Variants in PLEKHO1 observed in about 807,000 individuals in gnomAD.
The protein encoded by PLEKHO1 is pleckstrin homology domain-containing family O member 1.
PLEKHO1 carries 22 observed loss-of-function variants against 41.4 expected under a neutral mutation model. That is an observed-to-expected ratio of 0.53 (90% CI 0.38 to 0.76). The LOEUF (loss-of-function observed/expected upper bound fraction) is 0.76. PLEKHO1 is among the 30% of genes least tolerant of loss of function. The pLI is 0.00. For missense variants in PLEKHO1, 488 were observed against 518.3 expected, an observed-to-expected ratio of 0.94 and a Z score of 0.57; for synonymous variants, 225 against 210.8, an observed-to-expected ratio of 1.07 and a Z score of -0.58.
At position 150,159,694 on chromosome 1, in the gene PLEKHO1, G is replaced by T. The variant is rs917184069; in HGVS notation, c.*171G>T. 1.9e-4 allele frequency: 106 copies of T among 546,790 alleles called. No individual in the cohort carries two copies. Among genetic ancestry groups the T allele is most frequent in the Non-Finnish European group, 2.9e-4 (87 of 304,782 alleles). 33.9% of individuals were successfully genotyped at this position (546,790 alleles called of 1,614,324 possible). On this transcript the variant is annotated 3_prime_UTR_variant, in exon 6 of 6. Transcript: ENST00000369124. ...TTATTGCCCCACCTACTTTCCATAT[G>T]CCCCTCGTATGCCCCTCAGGTTTGA...
chr1:150,159,462 C>T lies in PLEKHO1; in HGVS notation c.1169C>T (p.Thr390Ile), dbSNP rs1325160759. The change falls in exon 6 of 6, where the codon ACC becomes ATC. Residue 390 changes from threonine to isoleucine, a missense_variant. Transcript: ENST00000369124. ...CTGTACAGACAGATGGACCTGCAGA[C>T]CCCGGACTCCCACCTCAGACAGACC... ...RDLYRQMDLQ[T>I]PDSHLRQTTP... The T allele has an allele frequency of 1.2e-6, 2 of 1,613,822 alleles. No homozygotes were observed. Among genetic ancestry groups the T allele is most frequent in the African/African-American group, 1.3e-5 (1 of 74,882 alleles).
intron 1 of PLEKHO1, 83 bp from the exon 2 acceptor site, chr1:150,150,829 C>T: frequency 7.4e-7 from 1 of 1,346,298 alleles, no homozygotes; most frequent in South Asian, 1.3e-5. Flanking sequence ...ACTGGGCCGC[C>T]GAGGCGGTCG....
intron 5 of PLEKHO1, among the ~76,000 whole-genome samples, chr1:150,158,305 TAAC>T (rs1302073730): frequency 6.6e-6 from 1 of 151,820 alleles, no homozygotes; most frequent in African/African-American, 2.4e-5. Context: ...AGGAAACAAG[TAAC>T]AAACTAAATC....
At chr1:150,155,243 C>G (rs201245749) in intron 2 of PLEKHO1, 1 of 152,190 alleles carries the variant, frequency 6.6e-6, no homozygotes, top group East Asian at 1.9e-4. Flanking sequence ...GGCCCAGGCA[C>G]TCAAACTGGA....
chr1:150,152,909 T>A (rs1230111191), intron 2 of PLEKHO1: 6 of 152,098 alleles, frequency 3.9e-5, no homozygotes, highest in African/African-American at 1.4e-4. Context: ...TGATCCTTGC[T>A]TTTAGGTACA....
chr1:150,152,009 A>C (rs1461244950), intron 2 of PLEKHO1, among the ~76,000 whole-genome samples: 2 of 152,126 alleles, frequency 1.3e-5, no homozygotes, highest in African/African-American at 4.8e-5. Context: ...TCCCGCCCTC[A>C]CGGGAGGTAT....
chr1:150,151,072 G>T lies in PLEKHO1; in HGVS notation c.177+14G>T. ...TCTGAGAAGGAGGTGGGTGCCTCTT[G>T]CCTCTAACTCTCCGTTTTCTCATAG... is the stretch of plus-strand genomic sequence containing the variant. On this transcript the variant is annotated intron_variant, in intron 2 of 5. Transcript: ENST00000369124. The T allele has an allele frequency of 6.2e-6, 10 of 1,613,656 alleles. No homozygotes were observed. The highest frequency in any genetic ancestry group is 7.6e-6 in the Non-Finnish European group (9 of 1,179,676).
In PLEKHO1 at chr1:150,156,199, G is replaced by GT; in HGVS notation, c.312dup (p.Asn105Ter). 1 of 1,613,344 alleles carries GT rather than the reference G, an allele frequency of 6.2e-7. No homozygotes were observed. Among genetic ancestry groups the GT allele is most frequent in the Non-Finnish European group, 8.5e-7 (1 of 1,179,622 alleles). On this transcript the variant is annotated frameshift_variant, in exon 3 of 6. Transcript: ENST00000369124. LOFTEE classifies it high-confidence loss of function. ...ACTCTTGCCCACTCCAAACAGCCCG[G>GT]TAACACGGTATGTTTCTCCTGCCAC...
chr1:150,158,734 G>T, intron 5 of PLEKHO1, 85 bp from the exon 6 acceptor site: 1 of 912,566 alleles, frequency 1.1e-6, no homozygotes, highest in South Asian at 1.6e-5. Context: ...AGAGGAAAAT[G>T]ACCACAGCTT....
Position 150,150,033 on chromosome 1 carries a change from G to C in PLEKHO1, c.-225G>C, listed in dbSNP as rs1659807357. 6.4e-6 allele frequency: 1 copy of C among 156,084 alleles called. No individual in the cohort carries two copies. Among genetic ancestry groups the C allele is most frequent in the African/African-American group, 2.4e-5 (1 of 41,200 alleles). 9.7% of individuals were successfully genotyped at this position (156,084 alleles called of 1,614,324 possible). On this transcript the variant is annotated 5_prime_UTR_variant, in exon 1 of 6. Transcript: ENST00000369124. ...TGGAGGGCGCCAAGGGGCGGGGAGCGGGCGTGCGTGTGTGTGCGAGTGCGA... is the reference window on the plus strand; with the variant it reads ...TGGAGGGCGCCAAGGGGCGGGGAGCCGGCGTGCGTGTGTGTGCGAGTGCGA...
In PLEKHO1 at chr1:150,150,235, CCCCGCG is replaced by C. The variant is rs587643363; in HGVS notation, c.-11_-6del. The C allele has an allele frequency of 5.3e-5, 56 of 1,063,462 alleles. No homozygotes were observed. The African/African-American group carries it at 6.5e-4, about 12-fold the overall frequency. 65.9% of individuals were successfully genotyped at this position (1,063,462 alleles called of 1,614,324 possible). On this transcript the variant is annotated 5_prime_UTR_variant, in exon 1 of 6. Transcript: ENST00000369124. ...CGCGGGGCCGCCCCTCGGCTCGCCG[CCCCGCG>C]CCCGCGCCCGCTGGGAATGATGAAG...
chr1:150,150,122 G>C lies in PLEKHO1; in HGVS notation c.-136G>C, dbSNP rs1263116112. ...AAAGAAGGGGAGAGTCCGGGAGCGG[G>C]AGGGCGCGAGGGAGGAGCGGCGGCG... On this transcript the variant is annotated 5_prime_UTR_variant, in exon 1 of 6. Transcript: ENST00000369124. 4 of 214,830 alleles carry C rather than the reference G, an allele frequency of 1.9e-5. No homozygotes were observed. Among genetic ancestry groups the C allele is most frequent in the Non-Finnish European group, 3.2e-5 (4 of 123,430 alleles). The allele number at this position is 214,830 out of a possible 1,614,324, so 13.3% of individuals were successfully genotyped here. A position where few individuals can be genotyped will look rare whatever the true frequency, so the allele number is the denominator to read the frequency against.
chr1:150,158,376 G>A lies in PLEKHO1; in HGVS notation c.526-443G>A, dbSNP rs138982305. The stretch of plus-strand genomic sequence containing the variant: ...GGAATAAGAAACAGCACATTCAGTA[G>A]GAGGGTTCAGTCAAGAGCAGAGGGC... On this transcript the variant is annotated intron_variant, in intron 5 of 5. Transcript: ENST00000369124. Among the ~76,000 whole-genome samples the A allele has an allele frequency of 3.3e-3, 500 of 152,260 alleles. 3 individuals are homozygous for A. The highest frequency in any genetic ancestry group is 0.031 in the Middle Eastern group (9 of 294).
At chr1:150,152,152 C>G (rs1248167814) in intron 2 of PLEKHO1, among the ~76,000 whole-genome samples, 1 of 152,094 alleles carries the variant, frequency 6.6e-6, no homozygotes. Context: ...TTGAAACATA[C>G]ACACACACAC....
At chr1:150,151,672 C>T (rs1553819071) in intron 2 of PLEKHO1, among the ~76,000 whole-genome samples, 1 of 151,434 alleles carries the variant, frequency 6.6e-6, no homozygotes, top group African/African-American at 2.4e-5. Context: ...CATTTTCTAC[C>T]CACTTCCTGC....
At position 150,150,276 on chromosome 1, in the gene PLEKHO1, T is replaced by TCCGCCAAGCGGGTGAGTGCGCTTGC. The variant is rs1659830087; in HGVS notation, c.25_30+19dup. On this transcript the variant is annotated frameshift_variant, in exon 1 of 6. Transcript: ENST00000369124. LOFTEE classifies it high-confidence loss of function. ...GCTGGGAATGATGAAGAAGAACAAT[T>TCCGCCAAGCGGGTGAGTGCGCTTGC]CCGCCAAGCGGGTGAGTGCGCTTGC... 5.4e-6 allele frequency: 6 copies of TCCGCCAAGCGGGTGAGTGCGCTTGC among 1,119,350 alleles called. No homozygotes were observed. The highest frequency in any genetic ancestry group is 1.7e-5 in the African/African-American group (1 of 59,904). 69.3% of individuals were successfully genotyped at this position (1,119,350 alleles called of 1,614,324 possible). A position where few individuals can be genotyped will look rare whatever the true frequency, so the allele number is the denominator to read the frequency against.
In PLEKHO1 at chr1:150,158,830, T is replaced by A. The variant is rs781836929; in HGVS notation, c.537T>A (p.Ser179=). The A allele has an allele frequency of 1.9e-6, 3 of 1,603,350 alleles. No homozygotes were observed. The East Asian group carries it at 6.7e-5, about 36-fold the overall frequency. The change falls in exon 6 of 6, where the codon TCT becomes TCA. Residue 179 remains serine, a synonymous_variant. Coordinates refer to ENST00000369124, the MANE Select transcript of PLEKHO1 (RefSeq NM_016274.6). ...RGHLMAVAST[S]TSDGMLTLDL... ...CCCTTCCTCCACAGGCTTCCACCTC[T>A]ACCTCGGATGGGATGCTGACCTTGG...
intron 2 of PLEKHO1, chr1:150,155,813 TGGC>T (rs782601669): frequency 7.4e-5 from 28 of 379,246 alleles, no homozygotes; most frequent in Non-Finnish European, 1.2e-4. Context: ...ACTCTGGAAA[TGGC>T]AGCCTGGCTA....
chr1:150,152,076 C>A (rs782811995), intron 2 of PLEKHO1, among the ~76,000 whole-genome samples: 15 of 152,196 alleles, frequency 9.9e-5, no homozygotes, highest in Non-Finnish European at 2.2e-4. Flanking sequence ...CTAACCTCTT[C>A]TGCTTTCTGC....
Sources: allele counts gnomAD v4.1 joint callset (sites outside exome capture counted in the v4.1 genomes callset), GRCh38; gene constraint gnomAD v4.1.1; transcripts MANE v1.5; gene names NCBI Gene and HGNC (gene_info 2026-07-23, HGNC 2026-07-21).